SAP130: variants seen among roughly 807,000 people sequenced by gnomAD.
SAP130 encodes the protein Sin3A associated protein 130.
Under a neutral mutation model 103.2 loss-of-function variants are expected in SAP130, and 16 were observed. The ratio of observed to expected loss-of-function variants is 0.16; its 90% CI spans 0.10 to 0.24. The LOEUF is 0.24. Ranked by LOEUF, SAP130 falls within the 10% of genes least tolerant of loss-of-function variation. The pLI, the probability that SAP130 is intolerant of heterozygous loss-of-function variation, is 1.00. For synonymous variants in SAP130, 477 were observed against 497.0 expected (o/e 0.96, Z 0.53); for missense variants, 990 against 1,359.7 (o/e 0.73, Z 4.28).
At chr2:127,966,175 T>C (rs1460991406) in intron 15 of SAP130, among the ~76,000 whole-genome samples, 1 of 151,264 alleles carries the variant, frequency 6.6e-6, no homozygotes. Flanking sequence ...ACCCAGTCTC[T>C]ACTAAAAATA....
chr2:128,017,618 GT>G, intron 3 of SAP130, 61 bp downstream of exon 3: 2 of 1,377,224 alleles, frequency 1.5e-6, no homozygotes, highest in Non-Finnish European at 2.1e-6. Context: ...TATACAAATT[GT>G]TACAAACATT....
intron 15 of SAP130, among the ~76,000 whole-genome samples, chr2:127,961,067 G>A (rs1317606021): frequency 6.7e-6 from 1 of 148,688 alleles, no homozygotes; most frequent in Non-Finnish European, 1.5e-5. Context: ...AGGACTCACT[G>A]CAGCCTCGAC....
At chr2:127,943,181 T>TTTC (rs1678827974) in intron 19 of SAP130, among the ~76,000 whole-genome samples, 1 of 152,190 alleles carries the variant, frequency 6.6e-6, no homozygotes, top group Admixed American at 6.5e-5. Context: ...AAGTCAGAAG[T>TTTC]AGCCAAGGCA....
At position 127,953,096 on chromosome 2, in the gene SAP130, C is replaced by T. The variant is rs1178237187; in HGVS notation, c.2422+1890G>A. 6.6e-6 allele frequency among the ~76,000 whole-genome samples: 1 copy of T among 152,030 alleles called. No individual in the cohort carries two copies. Among genetic ancestry groups the T allele is most frequent in the Non-Finnish European group, 1.5e-5 (1 of 68,020 alleles). On this transcript the variant is annotated intron_variant, in intron 16 of 20. Transcript: ENST00000643581. This position sits in a 1 kb window ranked among gnomAD's most constrained non-coding sequence, Gnocchi z 4.0. ...TGTCTAACAGACATCTGAAACTTAC[C>T]CTATCAAAAACTAAACTCCTAATCT...
intron 12 of SAP130, among the ~76,000 whole-genome samples, chr2:127,991,219 C>T (rs1682774707): frequency 6.6e-6 from 1 of 152,136 alleles, no homozygotes; most frequent in Admixed American, 6.5e-5. Context: ...TACTACACTC[C>T]AGCCTGGGCA....
At chr2:127,969,149 G>A (rs1290633936) in intron 15 of SAP130, among the ~76,000 whole-genome samples, 2 of 152,210 alleles carry the variant, frequency 1.3e-5, no homozygotes, top group African/African-American at 2.4e-5. Flanking sequence ...ACTCAGTGTG[G>A]AGTGGGGTGG....
intron 7 of SAP130, among the ~76,000 whole-genome samples, chr2:128,005,002 T>G (rs998346564): frequency 6.6e-6 from 1 of 152,002 alleles, no homozygotes; most frequent in African/African-American, 2.4e-5. Context: ...AGACAAAAGG[T>G]GGAACAAAAC....
In SAP130 at chr2:127,941,995, T is replaced by C; in HGVS notation, c.*11A>G. 7.5e-7 allele frequency: 1 copy of C among 1,341,640 alleles called. No homozygotes were observed. The highest frequency in any genetic ancestry group is 1.3e-5 in the South Asian group (1 of 77,422). 83.1% of individuals were successfully genotyped at this position (1,341,640 alleles called of 1,614,324 possible). On this transcript the variant is annotated 3_prime_UTR_variant, in exon 21 of 21. Coordinates refer to ENST00000643581, the MANE Select transcript of SAP130 (RefSeq NM_001330301.2). ...CATAAATTTGCTTCCAATCTCCTGA[T>C]TGTTCTGGGTCTAGACTTTTTCCTT...
intron 14 of SAP130, among the ~76,000 whole-genome samples, chr2:127,979,444 G>A (rs953720221): frequency 1.3e-5 from 2 of 152,080 alleles, no homozygotes; most frequent in Admixed American, 1.3e-4. Flanking sequence ...AAATCCAGAG[G>A]GGGTATGGCC....
chr2:127,985,662 C>T (rs959710458), intron 14 of SAP130, among the ~76,000 whole-genome samples: 4 of 152,008 alleles, frequency 2.6e-5, no homozygotes, highest in Admixed American at 1.3e-4. Context: ...TGGGAAGGGG[C>T]GGGTCCCTGG....
In SAP130 at chr2:127,955,052, G is replaced by A; in HGVS notation, c.2356C>T (p.Pro786Ser). 3 of 1,614,038 alleles carry A rather than the reference G, an allele frequency of 1.9e-6. No individual in the cohort carries two copies. Among genetic ancestry groups the A allele is most frequent in the Non-Finnish European group, 8.5e-7 (1 of 1,179,942 alleles). ...TTCACTTTAATTTCAGGAACGGGAG[G>A]GCCCAAGACGGAGGAAAGACTGCCA... ...VGGSLSSVLG[P>S]PVPEIKVKEE... Residue 786 changes from proline (P) to serine (S), a missense_variant, in exon 16 of 21, where the codon CCT (proline) becomes TCT (serine). Physicochemically the swap from Pro to Ser is moderately conservative, Grantham distance 74. This residue lies in a region of SAP130 where 349 missense variants were observed against 384.1 expected (regional missense o/e 0.91). Transcript: ENST00000643581. This position sits in a 1 kb window ranked among gnomAD's most constrained non-coding sequence, Gnocchi z 4.9.
intron 11 of SAP130, 109 bp from the exon 12 acceptor site, chr2:127,993,417 T>G: frequency 1.7e-6 from 2 of 1,201,174 alleles, no homozygotes; most frequent in Middle Eastern, 2.4e-4. Context: ...TCAAACAAGC[T>G]TTGCTCAAAT....
chr2:127,963,108 G>A (rs1898341), intron 15 of SAP130, among the ~76,000 whole-genome samples: 115,476 of 152,114 alleles, frequency 0.76, 45,902 homozygotes, highest in Non-Finnish European at 0.88. Context: ...AAGATTAGCC[G>A]TTAGACTGTG....
Position 128,016,437 on chromosome 2 carries a change from G to A in SAP130, c.459C>T (p.Ser153=). The A allele has an allele frequency of 6.2e-7, 1 of 1,614,074 alleles. No individual in the cohort carries two copies. The highest frequency in any genetic ancestry group is 8.5e-7 in the Non-Finnish European group (1 of 1,180,004). ...CAGGAATGGCTGAAGCTTGAGGGAT[G>A]CTACTCTCCATGGTAACGGTAACCT... ...PGQVTVTMES[S]IPQASAIPVA... The change falls in exon 4 of 21, where the codon AGC becomes AGT. Residue 153 remains serine (S), a synonymous_variant. Coordinates refer to ENST00000643581, the MANE Select transcript of SAP130 (RefSeq NM_001330301.2).
intron 1 of SAP130, chr2:128,027,010 T>C: frequency 8.0e-7 from 1 of 1,253,738 alleles, no homozygotes. Context: ...CACCTCGGAG[T>C]GTGAGACCCC....
intron 11 of SAP130, among the ~76,000 whole-genome samples, chr2:127,994,958 CA>C (rs2105049470): frequency 6.6e-6 from 1 of 152,272 alleles, no homozygotes; most frequent in South Asian, 2.1e-4. Flanking sequence ...ATGGACATAT[CA>C]ATGTATCAAA....
intron 1 of SAP130, chr2:128,027,347 C>A (rs954845059): frequency 4.9e-5 from 56 of 1,151,088 alleles, no homozygotes; most frequent in Non-Finnish European, 4.7e-5. Flanking sequence ...CCACGCCCGA[C>A]GCGTCAGTGG....
intron 7 of SAP130, among the ~76,000 whole-genome samples, chr2:128,006,657 C>A (rs1232332197): frequency 6.6e-6 from 1 of 152,018 alleles, no homozygotes; most frequent in Admixed American, 6.6e-5. Flanking sequence ...TGGCACGTGC[C>A]CGTAGTCCCA....
intron 13 of SAP130, among the ~76,000 whole-genome samples, chr2:127,988,623 G>A (rs1279270161): frequency 2.0e-5 from 3 of 151,526 alleles, no homozygotes; most frequent in Admixed American, 6.6e-5. Context: ...GCCAAAGTGA[G>A]TAGACTACTT....
Sources: gnomAD v4.1 joint callset for allele counts (sites outside exome capture counted in the v4.1 genomes callset) on GRCh38, gnomAD v4.1.1 for gene constraint, gnomAD v4.1.1 regional missense constraint, Gnocchi (gnomAD v3.1) non-coding constraint, MANE v1.5 for transcripts, NCBI Gene and HGNC (gene_info 2026-07-23, HGNC 2026-07-21) for gene names.